ZNF385C: variants seen among roughly 807,000 people sequenced by gnomAD.
ZNF385C encodes zinc finger protein 385C, also known as CTD-2132N18.2.
A neutral mutation model predicts 35.4 loss-of-function variants in ZNF385C; 28 were observed. That is an observed-to-expected ratio of 0.79 (90% CI 0.59 to 1.08). ZNF385C has a LOEUF of 1.08. Ranked by LOEUF, ZNF385C falls within the 50% of genes least tolerant of loss-of-function variation. ZNF385C has a pLI of 0.00. For missense variants in ZNF385C, 605 were observed against 595.6 expected, an observed-to-expected ratio of 1.02 and a Z score of -0.16; for synonymous variants, 248 against 248.2, an observed-to-expected ratio of 1.00 and a Z score of 0.01.
At chr17:42,072,102 C>A (rs2053632995) in intron 1 of ZNF385C, among the ~76,000 whole-genome samples, 1 of 152,154 alleles carries the variant, frequency 6.6e-6, no homozygotes, top group South Asian at 2.1e-4. Context: ...TTTTGCACCC[C>A]CCAAAAGATA....
intron 1 of ZNF385C, among the ~76,000 whole-genome samples, chr17:42,080,922 A>G (rs2053741312): frequency 6.6e-6 from 1 of 152,222 alleles, no homozygotes; most frequent in Admixed American, 6.5e-5. Context: ...CCTTGGGCAA[A>G]GTCCTTACCT....
At chr17:42,039,508 C>T (rs2052951466) in intron 2 of ZNF385C, 1 of 416,232 alleles carries the variant, frequency 2.4e-6, no homozygotes, top group Non-Finnish European at 4.0e-6. Flanking sequence ...CCAGGCCCCT[C>T]TTGAGCCAGT....
intron 2 of ZNF385C, chr17:42,039,807 G>A: frequency 3.2e-6 from 4 of 1,232,052 alleles, no homozygotes; most frequent in Non-Finnish European, 4.0e-6. Context: ...CATCCACTGC[G>A]ATCTTCACCA....
intron 1 of ZNF385C, among the ~76,000 whole-genome samples, chr17:42,066,100 C>T (rs782483865): frequency 6.6e-6 from 1 of 152,132 alleles, no homozygotes; most frequent in African/African-American, 2.4e-5. Context: ...CACACTGTTG[C>T]CCAGGCTGGA....
chr17:42,093,626 G>A (rs1326175823), intron 1 of ZNF385C, among the ~76,000 whole-genome samples: 2 of 150,516 alleles, frequency 1.3e-5, no homozygotes, highest in Admixed American at 1.3e-4. Context: ...TGTCGTCCAG[G>A]CTGGAGTGCA....
intron 4 of ZNF385C, among the ~76,000 whole-genome samples, chr17:42,033,888 G>A (rs987656548): frequency 4.6e-5 from 7 of 152,278 alleles, no homozygotes; most frequent in Middle Eastern, 3.4e-3. Context: ...TCCAGACCAG[G>A]AGCTGATGAG....
At chr17:42,092,403 CA>C (rs1286021105) in intron 1 of ZNF385C, among the ~76,000 whole-genome samples, 126 of 136,230 alleles carry the variant, frequency 9.2e-4, no homozygotes, top group Admixed American at 1.0e-3. Flanking sequence ...AGATTCGTGT[CA>C]AAAAAAAAAA....
intron 2 of ZNF385C, chr17:42,040,890 C>T: frequency 8.1e-7 from 1 of 1,232,230 alleles, no homozygotes; most frequent in Non-Finnish European, 1.0e-6. Context: ...GCTGTGGGCC[C>T]ACACTCCCCA....
chr17:42,057,799 C>T (rs1423094389), intron 2 of ZNF385C, among the ~76,000 whole-genome samples: 1 of 151,978 alleles, frequency 6.6e-6, no homozygotes, highest in Non-Finnish European at 1.5e-5. Context: ...CAATATTAGC[C>T]GGGCATGGTG....
chr17:42,082,959 C>T (rs2053764696), intron 1 of ZNF385C, among the ~76,000 whole-genome samples: 1 of 151,956 alleles, frequency 6.6e-6, no homozygotes, highest in Admixed American at 6.6e-5. Context: ...CGCCTGTAAT[C>T]CCAGCTACTC....
At chr17:42,072,445 G>C (rs1255024498) in intron 1 of ZNF385C, among the ~76,000 whole-genome samples, 3 of 152,174 alleles carry the variant, frequency 2.0e-5, no homozygotes, top group Non-Finnish European at 4.4e-5. Context: ...CAGCCCTGCA[G>C]AACCACCTAA....
rs2052651132 is a variant in ZNF385C, at chr17:42,028,552, C to T, written c.967+231G>A. ...TCCTGTCTCCTGTGGAGTGACCCTT[C>T]AGAGATTTAGCGACCTTCAGTTCTT... On this transcript the variant is annotated intron_variant, in intron 6 of 8. Coordinates refer to ENST00000692273, the MANE Select transcript of ZNF385C (RefSeq NM_001392013.1). 6 of 623,724 alleles carry T rather than the reference C, an allele frequency of 9.6e-6. No individual in the cohort carries two copies. The South Asian group carries it at 1.1e-4, about 11-fold the overall frequency. The allele number at this position is 623,724 out of a possible 1,614,324, so 38.6% of individuals were successfully genotyped here.
chr17:42,083,200 G>GT (rs1467374067), intron 1 of ZNF385C, among the ~76,000 whole-genome samples: 1 of 151,476 alleles, frequency 6.6e-6, no homozygotes, highest in East Asian at 1.9e-4. Flanking sequence ...GTGACAAAAT[G>GT]TTTTTTTGTT....
chr17:42,026,586 C>T lies in ZNF385C; in HGVS notation c.*311G>A. 1 of 425,588 alleles carries T rather than the reference C, an allele frequency of 2.3e-6. No individual in the cohort carries two copies. Among genetic ancestry groups the T allele is most frequent in the Admixed American group, 3.9e-5 (1 of 25,362 alleles). 26.4% of individuals were successfully genotyped at this position (425,588 alleles called of 1,614,324 possible). A position where few individuals can be genotyped will look rare whatever the true frequency, so the allele number is the denominator to read the frequency against. On this transcript the variant is annotated 3_prime_UTR_variant, in exon 9 of 9. Coordinates refer to ENST00000692273, the MANE Select transcript of ZNF385C (RefSeq NM_001392013.1). ...GAAGCTAAGATTCCTAGAGTCTGGCCATGTGGGTCTTGGGTGGAGGAAAGT... is the reference window on the plus strand; with the variant it reads ...GAAGCTAAGATTCCTAGAGTCTGGCTATGTGGGTCTTGGGTGGAGGAAAGT...
intron 2 of ZNF385C, chr17:42,040,123 C>T: frequency 8.1e-7 from 1 of 1,231,426 alleles, no homozygotes; most frequent in African/African-American, 1.5e-5. Context: ...CGCCCCCTCG[C>T]CATGCGTGCC....
intron 2 of ZNF385C, among the ~76,000 whole-genome samples, chr17:42,054,000 C>T (rs2053331523): frequency 6.6e-6 from 1 of 152,204 alleles, no homozygotes; most frequent in African/African-American, 2.4e-5. Context: ...AGCGTCGTTC[C>T]TGGGCCCTGT....
At chr17:42,094,872 T>C (rs2053901582) in intron 1 of ZNF385C, among the ~76,000 whole-genome samples, 1 of 152,202 alleles carries the variant, frequency 6.6e-6, no homozygotes, top group African/African-American at 2.4e-5. Context: ...AAGCCAGCCC[T>C]TGGCCACTGG....
At chr17:42,096,644 G>A (rs781829500) in intron 1 of ZNF385C, among the ~76,000 whole-genome samples, 4 of 152,094 alleles carry the variant, frequency 2.6e-5, no homozygotes, top group Non-Finnish European at 4.4e-5. Context: ...AATTTAGTGC[G>A]GCTTGATCCC....
At chr17:42,040,849 A>T (rs2053001947) in intron 2 of ZNF385C, 4 of 1,232,356 alleles carry the variant, frequency 3.2e-6, no homozygotes, top group Non-Finnish European at 4.0e-6. Context: ...GAGACAATGC[A>T]GCTCTGCCAG....
Sources: gnomAD v4.1 joint callset for allele counts (sites outside exome capture counted in the v4.1 genomes callset) on GRCh38, gnomAD v4.1.1 for gene constraint, MANE v1.5 for transcripts, NCBI Gene and HGNC (gene_info 2026-07-23, HGNC 2026-07-21) for gene names.